ITGB2: variants seen among roughly 807,000 people sequenced by gnomAD.
ITGB2 encodes the protein integrin subunit beta 2, also known as integrin beta-2.
ITGB2 carries 56 observed loss-of-function variants against 86.8 expected under a neutral mutation model. That is an observed-to-expected ratio of 0.65 (90% CI 0.52 to 0.81). The LOEUF (loss-of-function observed/expected upper bound fraction) is 0.81, where lower values mean the gene tolerates loss of function less well. ITGB2 is among the 30% of genes least tolerant of loss of function. The pLI, the probability that ITGB2 is intolerant of heterozygous loss-of-function variation, is 0.00. For missense variants in ITGB2, 948 were observed against 1,061.2 expected (o/e 0.89, Z 1.48); for synonymous variants, 457 against 450.4 (o/e 1.01, Z -0.19).
At chr21:44,907,832 A>G (rs2084067075) in intron 3 of ITGB2, among the ~76,000 whole-genome samples, 1 of 152,138 alleles carries the variant, frequency 6.6e-6, no homozygotes, top group Admixed American at 6.5e-5. Context: ...GTGGGAGGGG[A>G]GGGCGACAGT....
At chr21:44,908,326 G>A (rs898859350) in intron 3 of ITGB2, 19 of 468,938 alleles carry the variant, frequency 4.1e-5, no homozygotes, top group African/African-American at 3.3e-4. Flanking sequence ...GCAAAAAGTT[G>A]GAAAGAAACA....
At chr21:44,924,824 G>T (rs375181755), upstream of ITGB2, among the ~76,000 whole-genome samples, 1 of 152,138 alleles carries the variant, frequency 6.6e-6, no homozygotes, top group Non-Finnish European at 1.5e-5. Flanking sequence ...CCACAGATCC[G>T]TAACACTGAG....
intron 8 of ITGB2, among the ~76,000 whole-genome samples, chr21:44,895,696 C>T (rs2083854454): frequency 6.6e-6 from 1 of 151,514 alleles, no homozygotes; most frequent in South Asian, 2.1e-4. Flanking sequence ...CAAAAATTAG[C>T]TGGGCGTGGT....
chr21:44,902,671 G>A lies in ITGB2; in HGVS notation c.499+694C>T, dbSNP rs570386446. ...TGAGTGTGCATTCGCATGTGTGAGC[G>A]TGCATTTGCGTTTGAGCATGCATTT... On this transcript the variant is annotated intron_variant, in intron 5 of 15. Transcript: ENST00000652462. Among the ~76,000 whole-genome samples, 19 of 151,376 alleles carry A rather than the reference G, an allele frequency of 1.3e-4. No homozygotes were observed. In the East Asian group the frequency reaches 1.4e-3, roughly 11 times the overall value.
intron 2 of ITGB2, 155 bp downstream of exon 2, chr21:44,910,570 G>T: frequency 7.3e-7 from 1 of 1,373,774 alleles, no homozygotes; most frequent in Admixed American, 2.0e-5. Flanking sequence ...CCTGGCACGT[G>T]CGGAGACGAG....
At chr21:44,902,614 T>A (rs912875507) in intron 5 of ITGB2, among the ~76,000 whole-genome samples, 1 of 152,224 alleles carries the variant, frequency 6.6e-6, no homozygotes. Flanking sequence ...TGTGTGAGCA[T>A]CCATTTGTGC....
chr21:44,906,578 G>C (rs1422700429), intron 4 of ITGB2, among the ~76,000 whole-genome samples: 1 of 152,132 alleles, frequency 6.6e-6, no homozygotes, highest in Non-Finnish European at 1.5e-5. Flanking sequence ...ACTCTTCTAA[G>C]AGTACCCTGG....
At chr21:44,893,364 C>T (rs768986115) in intron 10 of ITGB2, 40 bp downstream of exon 10, 1 of 1,610,730 alleles carries the variant, frequency 6.2e-7, no homozygotes, top group East Asian at 2.2e-5. Context: ...CCCAGAGCCC[C>T]TCAGCAAGCT....
intron 1 of ITGB2, chr21:44,927,495 A>C (rs1356523526): frequency 6.6e-6 from 1 of 151,780 alleles, no homozygotes; most frequent in Non-Finnish European, 1.5e-5. Context: ...CCTCCCAGTC[A>C]CTCACCACAC....
chr21:44,920,931 G>A (rs1234285140), upstream of ITGB2: 1 of 152,450 alleles, frequency 6.6e-6, no homozygotes, highest in Non-Finnish European at 1.5e-5. Flanking sequence ...GGGTCGTAAA[G>A]TCCTGACACT....
chr21:44,891,209 C>T (rs934151471), intron 11 of ITGB2, among the ~76,000 whole-genome samples: 3 of 152,242 alleles, frequency 2.0e-5, no homozygotes, highest in Non-Finnish European at 2.9e-5. Context: ...CCATGTGAAC[C>T]TCCCCACTGG....
At chr21:44,916,005 C>G (rs987717266) in intron 1 of ITGB2, among the ~76,000 whole-genome samples, 5 of 151,894 alleles carry the variant, frequency 3.3e-5, no homozygotes, top group Admixed American at 3.3e-4. Context: ...TCACTGCAAC[C>G]TCCGCCTCCC....
upstream of ITGB2, chr21:44,921,079 C>A (rs1042266497): frequency 7.2e-5 from 11 of 152,288 alleles, no homozygotes; most frequent in African/African-American, 2.7e-4. Context: ...TGTCATTTCT[C>A]ACATGAGGTC....
At chr21:44,906,785 C>G in intron 4 of ITGB2, 130 bp downstream of exon 4, 1 of 951,526 alleles carries the variant, frequency 1.1e-6, no homozygotes, top group Non-Finnish European at 1.6e-6. Flanking sequence ...CTTCACTGGC[C>G]CACACACCCG....
rs1372516204 is a variant in ITGB2 at position 44,900,499 on chromosome 21, G to A, written c.742-24C>T. 4.3e-6 allele frequency: 7 copies of A among 1,612,408 alleles called. No homozygotes were observed. In the Admixed American group the frequency reaches 1.2e-4, roughly 27 times the overall value. ...TCCTGAGAAGAAGGCGTGGGGGGCA[G>A]GGTTACCTGCCTCAGTTTCCCAGAC... On this transcript the variant is annotated intron_variant, in intron 6 of 15. Coordinates refer to ENST00000652462, the MANE Select transcript of ITGB2 (RefSeq NM_000211.5).
At chr21:44,901,292 G>C (rs35934861) in intron 6 of ITGB2, among the ~76,000 whole-genome samples, 200 bp downstream of exon 6, 2 of 152,090 alleles carry the variant, frequency 1.3e-5, no homozygotes, top group Admixed American at 6.5e-5. Context: ...CATGATTTTC[G>C]AGCCCTCGTG....
At chr21:44,888,214 G>A (rs1306341417) in intron 14 of ITGB2, among the ~76,000 whole-genome samples, 1 of 152,234 alleles carries the variant, frequency 6.6e-6, no homozygotes, top group East Asian at 1.9e-4. Context: ...GGAGCCGAAC[G>A]AGTGATGGGG....
chr21:44,889,427 C>A lies in ITGB2; in HGVS notation c.1726G>T (p.Glu576Ter). ...TTCAGGCAGCCCTCAGTGGTCCTCT[C>A]GCACTGGCACGCTGAGCCCTCAAAG... The part of the protein sequence containing the change: ...PGFEGSACQC[E>*]RTTEGCLNPR... Residue 576 changes from glutamate to a stop codon, truncating the protein, a stop_gained, in exon 13 of 16, where the codon GAG (glutamate) becomes TAG (stop). Coordinates refer to ENST00000652462, the MANE Select transcript of ITGB2 (RefSeq NM_000211.5). LOFTEE classifies it high-confidence loss of function. 6.2e-7 allele frequency: 1 copy of A among 1,609,370 alleles called. No homozygotes were observed. Among genetic ancestry groups the A allele is most frequent in the Non-Finnish European group, 8.5e-7 (1 of 1,178,324 alleles).
At chr21:44,915,207 G>A (rs1002442785) in intron 1 of ITGB2, among the ~76,000 whole-genome samples, 4 of 152,214 alleles carry the variant, frequency 2.6e-5, no homozygotes, top group African/African-American at 9.6e-5. Flanking sequence ...TGTGTTTTTA[G>A]TAGAGACGAG....
Sources: gnomAD v4.1 joint callset for allele counts (sites outside exome capture counted in the v4.1 genomes callset) on GRCh38, gnomAD v4.1.1 for gene constraint, MANE v1.5 for transcripts, NCBI Gene and HGNC (gene_info 2026-07-23, HGNC 2026-07-21) for gene names.